Variants in USP15 observed in about 807,000 individuals in gnomAD.
The protein encoded by USP15 is ubiquitin specific peptidase 15.
A neutral mutation model predicts 127.1 loss-of-function variants in USP15; 18 were observed. The observed-to-expected ratio is 0.14, with a 90% CI of 0.10 to 0.21. The LOEUF (loss-of-function observed/expected upper bound fraction) is 0.21, where lower values mean the gene tolerates loss of function less well. USP15 is among the 10% of genes least tolerant of loss of function. The pLI is 1.00. For missense variants in USP15, 805 were observed against 1,159.9 expected (o/e 0.69, Z 4.44); for synonymous variants, 364 against 393.7 (o/e 0.92, Z 0.89).
chr12:62,402,807 A>G (rs1393491122), intron 21 of USP15, among the ~76,000 whole-genome samples: 1 of 152,094 alleles, frequency 6.6e-6, no homozygotes, highest in African/African-American at 2.4e-5. Context: ...GTATCTTAAC[A>G]TTTCTCTGAG....
intron 6 of USP15, among the ~76,000 whole-genome samples, chr12:62,330,052 G>A (rs978791374): frequency 6.6e-6 from 1 of 152,128 alleles, no homozygotes; most frequent in Non-Finnish European, 1.5e-5. Flanking sequence ...AGTAACAATG[G>A]TGAGATCTTT....
At chr12:62,383,762 A>G (rs2067060246) in intron 9 of USP15, 78 bp from the exon 10 acceptor site, 1 of 1,411,388 alleles carries the variant, frequency 7.1e-7, no homozygotes. Flanking sequence ...ATCCATGAAT[A>G]ATGAGAATCT....
At chr12:62,263,165 G>T (rs2063113093) in intron 1 of USP15, among the ~76,000 whole-genome samples, 1 of 152,170 alleles carries the variant, frequency 6.6e-6, no homozygotes, top group Admixed American at 6.5e-5. Context: ...GAACTCACTA[G>T]AAAGTTGTTT....
chr12:62,304,801 AG>A (rs1323810999), intron 3 of USP15: 13 of 411,010 alleles, frequency 3.2e-5, no homozygotes, highest in East Asian at 2.9e-4. Flanking sequence ...TTGAGTTAGT[AG>A]ATTTTAGAAT....
At chr12:62,322,034 A>G (rs534823410) in intron 5 of USP15, among the ~76,000 whole-genome samples, 1 of 152,336 alleles carries the variant, frequency 6.6e-6, no homozygotes, top group African/African-American at 2.4e-5. Flanking sequence ...GAGTATGGCT[A>G]TGTTCTAATA....
At chr12:62,265,952 G>T (rs534893545) in intron 1 of USP15, among the ~76,000 whole-genome samples, 2 of 121,924 alleles carry the variant, frequency 1.6e-5, no homozygotes, top group South Asian at 5.1e-4. Context: ...TTTATATTTA[G>T]TAGCAGAATT....
chr12:62,355,547 T>C, intron 8 of USP15, 72 bp downstream of exon 8: 1 of 1,477,244 alleles, frequency 6.8e-7, no homozygotes, highest in Non-Finnish European at 9.1e-7. Flanking sequence ...AAGTTGGGTT[T>C]TTCATGCCAG....
intron 6 of USP15, among the ~76,000 whole-genome samples, chr12:62,344,093 C>T (rs1029641284): frequency 6.6e-6 from 1 of 152,132 alleles, no homozygotes; most frequent in African/African-American, 2.4e-5. Context: ...CAGTCATGCC[C>T]TCCCAACAGT....
rs1006724247 is a variant in USP15, at chr12:62,406,964, C to CA, written c.*2601dup. The CA allele has an allele frequency of 5.8e-3, 773 of 134,324 alleles. 11 individuals carry two copies. The highest frequency in any genetic ancestry group is 0.017 in the African/African-American group (614 of 36,486). 8.3% of individuals were successfully genotyped at this position (134,324 alleles called of 1,614,324 possible). A position where few individuals can be genotyped will look rare whatever the true frequency, so the allele number is the denominator to read the frequency against. On this transcript the variant is annotated 3_prime_UTR_variant, in exon 22 of 22. Transcript: ENST00000280377. ...TGTGCAACATAGCAAGACTCTGTCTCAAAAAAAAAAAAGATATTCATAGGT... is the reference window on the plus strand; with the variant it reads ...TGTGCAACATAGCAAGACTCTGTCTCAAAAAAAAAAAAAGATATTCATAGGT...
At chr12:62,313,840 A>G (rs1030015540) in intron 3 of USP15, among the ~76,000 whole-genome samples, 7 of 151,780 alleles carry the variant, frequency 4.6e-5, no homozygotes, top group African/African-American at 1.7e-4. Context: ...GATGAACTGC[A>G]TTTGAATTTT....
Position 62,340,170 on chromosome 12 carries a change from C to T in USP15, c.684-9051C>T, listed in dbSNP as rs147439655. Among the ~76,000 whole-genome samples the T allele has an allele frequency of 7.0e-3, 1,063 of 152,244 alleles. 9 individuals carry two copies. Among genetic ancestry groups the T allele is most frequent in the African/African-American group, 0.023 (969 of 41,532 alleles). On this transcript the variant is annotated intron_variant, in intron 6 of 21. Transcript: ENST00000280377. Reference sequence around the variant, plus strand: ...TCTTCTAGATTTTCTAGTTTATTTGCATAGAGGTGTTTATAGTACTCTCTG... The same window carrying T: ...TCTTCTAGATTTTCTAGTTTATTTGTATAGAGGTGTTTATAGTACTCTCTG...
intron 1 of USP15, among the ~76,000 whole-genome samples, chr12:62,290,168 T>G (rs2063917334): frequency 6.6e-6 from 1 of 152,166 alleles, no homozygotes; most frequent in Non-Finnish European, 1.5e-5. Context: ...GTTTCTTTGT[T>G]GGTTTTGTGT....
intron 8 of USP15, among the ~76,000 whole-genome samples, chr12:62,378,628 G>GA (rs2066902841): frequency 6.6e-6 from 1 of 152,024 alleles, no homozygotes. Context: ...CTGTTTCAAG[G>GA]AGTTTTTAAA....
chr12:62,342,819 C>T (rs575423717), intron 6 of USP15, among the ~76,000 whole-genome samples: 5 of 152,258 alleles, frequency 3.3e-5, no homozygotes, highest in Admixed American at 6.5e-5. Context: ...GGAGCTCTCC[C>T]GTATGAGGTG....
At chr12:62,299,645 T>C (rs1353974896) in intron 2 of USP15, among the ~76,000 whole-genome samples, 1 of 152,200 alleles carries the variant, frequency 6.6e-6, no homozygotes, top group Non-Finnish European at 1.5e-5. Context: ...AGTTTTTGGG[T>C]AGATAATGTG....
chr12:62,292,045 T>C (rs2137143238), intron 1 of USP15, among the ~76,000 whole-genome samples: 1 of 150,976 alleles, frequency 6.6e-6, no homozygotes, highest in Non-Finnish European at 1.5e-5. Flanking sequence ...GATATTCTGA[T>C]GACTGGCAGA....
intron 1 of USP15, among the ~76,000 whole-genome samples, chr12:62,292,151 G>T (rs575588576): frequency 6.6e-6 from 1 of 152,066 alleles, no homozygotes. Context: ...TGGGATGGGG[G>T]GGTGTGGGCC....
chr12:62,392,128 A>G, intron 17 of USP15, 144 bp from the exon 18 acceptor site: 2 of 689,258 alleles, frequency 2.9e-6, no homozygotes, highest in Non-Finnish European at 4.9e-6. Context: ...AATTATTTAG[A>G]AGTATATAAA....
At chr12:62,309,713 G>T (rs1402928158) in intron 3 of USP15, among the ~76,000 whole-genome samples, 1 of 151,852 alleles carries the variant, frequency 6.6e-6, no homozygotes, top group Non-Finnish European at 1.5e-5. Flanking sequence ...AATGACCAAG[G>T]TGGATATTTT....
Sources: gnomAD v4.1 joint callset for allele counts (sites outside exome capture counted in the v4.1 genomes callset) on GRCh38, gnomAD v4.1.1 for gene constraint, MANE v1.5 for transcripts, NCBI Gene and HGNC (gene_info 2026-07-23, HGNC 2026-07-21) for gene names.